The following B4GALNT3 variants were observed in gnomAD, a reference collection of about 807,000 sequenced individuals.
B4GALNT3 encodes the protein beta-1,4-N-acetyl-galactosaminyltransferase 3.
In B4GALNT3, 86 loss-of-function variants were observed where a neutral mutation model predicts 120.2. The observed-to-expected ratio is 0.72, with a 90% CI of 0.60 to 0.86. The LOEUF is 0.86. Among genes scored for constraint, B4GALNT3 ranks in the 40% least tolerant of loss-of-function variants. The pLI is 0.00. For missense variants in B4GALNT3, 1,167 were observed against 1,298.9 expected (o/e 0.90, Z 1.56); for synonymous variants, 518 against 510.4 (o/e 1.01, Z -0.20).
rs770778252 is a variant in B4GALNT3 at position 553,915 on chromosome 12, G to C, written c.1992G>C (p.Leu664=). ...GCTGTAACACATCTGGCAACCTGCTGCTTCCAGAGCAGGAAGCTCTGGAGG... is the reference window on the plus strand; with the variant it reads ...GCTGTAACACATCTGGCAACCTGCTCCTTCCAGAGCAGGAAGCTCTGGAGG... ...DLSCNTSGNL[L]LPEQEALEVT... The change falls in exon 14 of 20, where the codon CTG becomes CTC. Residue 664 remains leucine (L), a synonymous_variant. Transcript: ENST00000266383. The C allele has an allele frequency of 6.2e-7, 1 of 1,614,114 alleles. No homozygotes were observed. Among genetic ancestry groups the C allele is most frequent in the South Asian group, 1.1e-5 (1 of 91,084 alleles).
chr12:555,214 C>T (rs1326460281), intron 14 of B4GALNT3: 11 of 337,618 alleles, frequency 3.3e-5, no homozygotes, highest in South Asian at 4.4e-5. Context: ...AAAAAGAAAC[C>T]GTATGTGTTA....
At chr12:477,782 C>A (rs1946198150) in intron 1 of B4GALNT3, among the ~76,000 whole-genome samples, 5 of 152,146 alleles carry the variant, frequency 3.3e-5, no homozygotes, top group Admixed American at 6.5e-5. Flanking sequence ...ATCCGTTATT[C>A]TTCTCTCTGT....
intron 13 of B4GALNT3, 88 bp downstream of exon 13, chr12:552,616 C>T (rs1363208865): frequency 6.0e-6 from 8 of 1,324,120 alleles, no homozygotes; most frequent in Non-Finnish European, 8.5e-6. Context: ...GTGCCAGCCC[C>T]GCCCCTGAGG....
chr12:520,484 A>G (rs1946696774), intron 1 of B4GALNT3, among the ~76,000 whole-genome samples: 1 of 152,250 alleles, frequency 6.6e-6, no homozygotes, highest in African/African-American at 2.4e-5. Flanking sequence ...TTGATTTAGT[A>G]AGGTCCTCAC....
intron 1 of B4GALNT3, among the ~76,000 whole-genome samples, chr12:516,063 A>G (rs926718906): frequency 2.4e-4 from 36 of 151,730 alleles, no homozygotes; most frequent in African/African-American, 8.7e-4. Context: ...GGAGAATGGC[A>G]TGAACCCGGG....
At chr12:472,486 TC>T (rs1221602394) in intron 1 of B4GALNT3, among the ~76,000 whole-genome samples, 1 of 152,238 alleles carries the variant, frequency 6.6e-6, no homozygotes, top group Non-Finnish European at 1.5e-5. Context: ...TCTCGCTCTT[TC>T]GCCCAGGCTG....
chr12:514,097 G>C (rs1263127728), intron 1 of B4GALNT3, among the ~76,000 whole-genome samples: 1 of 152,038 alleles, frequency 6.6e-6, no homozygotes, highest in Admixed American at 6.6e-5. Context: ...GGGACTGTCA[G>C]ATTTTTCCAA....
chr12:500,865 C>CCTTTTTTTTTTTTTT (rs2043817132), intron 1 of B4GALNT3, among the ~76,000 whole-genome samples: 4 of 61,832 alleles, frequency 6.5e-5, no homozygotes, highest in African/African-American at 3.0e-4. Flanking sequence ...GGCTCCACTG[C>CCTTTTTTTTTTTTTT]TTTTTTTTTT....
intron 1 of B4GALNT3, among the ~76,000 whole-genome samples, chr12:468,870 C>T (rs1453781042): frequency 6.6e-6 from 1 of 152,202 alleles, no homozygotes; most frequent in Non-Finnish European, 1.5e-5. Context: ...AGCTCACATT[C>T]TGCTTTGTGG....
At position 553,974 on chromosome 12, in the gene B4GALNT3, G is replaced by T. The variant is rs754627538; in HGVS notation, c.2051G>T (p.Arg684Met). The change falls in exon 14 of 20, where the codon AGG (arginine) becomes ATG (methionine). Residue 684 changes from arginine to methionine, a missense_variant. Arg to Met is a moderately conservative substitution (Grantham distance 91, BLOSUM62 -1). Transcript: ENST00000266383. ...GTCTTCTTGAAGAAGCTCAACCAGA[G>T]GAGCCGGGGGTAAGGTAAAGGGCTC... ...TRVFLKKLNQ[R>M]SRGRYQLQRI... 32 of 1,611,144 alleles carry T rather than the reference G, an allele frequency of 2.0e-5. No individual in the cohort carries two copies. In the Middle Eastern group the frequency reaches 5.0e-4, roughly 25 times the overall value.
At chr12:557,976 G>T in intron 16 of B4GALNT3, 40 bp from the exon 17 acceptor site, 1 of 1,604,306 alleles carries the variant, frequency 6.2e-7, no homozygotes, top group Non-Finnish European at 8.5e-7. Flanking sequence ...GACCACCGCA[G>T]CTGAGTCCTG....
chr12:541,223 G>A (rs779068150), intron 3 of B4GALNT3, among the ~76,000 whole-genome samples: 59 of 152,336 alleles, frequency 3.9e-4, no homozygotes, highest in Non-Finnish European at 6.6e-4. Context: ...ACCCCTGCAC[G>A]ATGCCCTCCC....
intron 1 of B4GALNT3, among the ~76,000 whole-genome samples, chr12:510,842 T>C: frequency 6.6e-6 from 1 of 151,884 alleles, no homozygotes; most frequent in East Asian, 1.9e-4. Flanking sequence ...AGTATTCGAT[T>C]CACTGGTGCT....
chr12:547,015 C>T (rs1947015898), intron 7 of B4GALNT3, among the ~76,000 whole-genome samples: 1 of 152,234 alleles, frequency 6.6e-6, no homozygotes, highest in Non-Finnish European at 1.5e-5. Context: ...TTTCTCCACA[C>T]CCACAACAGC....
At chr12:465,968 C>T (rs1410255761) in intron 1 of B4GALNT3, among the ~76,000 whole-genome samples, 2 of 147,686 alleles carry the variant, frequency 1.4e-5, no homozygotes, top group Non-Finnish European at 3.0e-5. Context: ...GAGTTGAGGT[C>T]CCATTCCCCT....
chr12:540,157 G>GCTTC (rs1473938396), intron 3 of B4GALNT3, among the ~76,000 whole-genome samples: 5 of 152,240 alleles, frequency 3.3e-5, no homozygotes, highest in African/African-American at 1.2e-4. Context: ...CCTGCGATGG[G>GCTTC]CTTCCGAGTG....
chr12:544,301 G>A, intron 3 of B4GALNT3, 38 bp from the exon 4 acceptor site: 1 of 1,597,010 alleles, frequency 6.3e-7, no homozygotes. Context: ...GGCATGGGGT[G>A]CTCACGCTCA....
At position 474,621 on chromosome 12, in the gene B4GALNT3, C is replaced by A. The variant is rs374830683; in HGVS notation, c.169+14076C>A. Among the ~76,000 whole-genome samples, 9 of 152,142 alleles carry A rather than the reference C, an allele frequency of 5.9e-5. No individual in the cohort carries two copies. The East Asian group carries it at 1.2e-3, about 20-fold the overall frequency. On this transcript the variant is annotated intron_variant, in intron 1 of 19. Transcript: ENST00000266383. ...ATGGCTTGAGCCCAGGAGTTTGAGA[C>A]CAGCATGGGCAACATAGCGAGACCC... is the stretch of plus-strand genomic sequence containing the variant.
intron 1 of B4GALNT3, among the ~76,000 whole-genome samples, chr12:524,639 T>TAAAA (rs72425704): frequency 3.1e-5 from 4 of 130,898 alleles, no homozygotes; most frequent in African/African-American, 1.0e-4. Flanking sequence ...TAAGACATGT[T>TAAAA]AAAAAAAAAA....
Sources: allele counts gnomAD v4.1 joint callset (sites outside exome capture counted in the v4.1 genomes callset), GRCh38; gene constraint gnomAD v4.1.1; transcripts MANE v1.5; gene names NCBI Gene and HGNC (gene_info 2026-07-23, HGNC 2026-07-21).